STRN: variants seen among roughly 807,000 people sequenced by gnomAD.
The protein encoded by STRN is protein phosphatase 2 regulatory subunit B'''alpha.
STRN carries 53 observed loss-of-function variants against 96.3 expected under a neutral mutation model. The observed-to-expected ratio is 0.55, with a 90% confidence interval of 0.44 to 0.69. STRN has a LOEUF of 0.69. Among genes scored for constraint, STRN ranks in the 30% least tolerant of loss-of-function variants. STRN has a pLI of 0.00. For missense variants in STRN, 987 were observed against 963.9 expected (o/e 1.02, Z -0.32); for synonymous variants, 428 against 355.9 (o/e 1.20, Z -2.28).
chr2:36,872,068 C>T (rs147907312), intron 10 of STRN, among the ~76,000 whole-genome samples: 3 of 152,170 alleles, frequency 2.0e-5, no homozygotes, highest in African/African-American at 4.8e-5. Context: ...TCCTTCTGAA[C>T]GTCTTAATGT....
chr2:36,840,097 A>G lies in STRN; in HGVS notation c.*9359T>C, dbSNP rs1048497248. The G allele has an allele frequency of 2.6e-5, 4 of 152,262 alleles. No individual in the cohort carries two copies. Among genetic ancestry groups the G allele is most frequent in the Admixed American group, 2.6e-4 (4 of 15,282 alleles). 9.4% of individuals were successfully genotyped at this position (152,262 alleles called of 1,614,324 possible). On this transcript the variant is annotated 3_prime_UTR_variant, in exon 18 of 18. Coordinates refer to ENST00000263918, the MANE Select transcript of STRN (RefSeq NM_003162.4). ...TCCCCAGAGGGATGCCTTTCCTGAC[A>G]AGATTCCACTGGGAGGTTCGTCTTT...
chr2:36,942,152 C>A (rs904073732), intron 1 of STRN, among the ~76,000 whole-genome samples: 1 of 152,134 alleles, frequency 6.6e-6, no homozygotes, highest in African/African-American at 2.4e-5. Context: ...AGGAGACTTA[C>A]TCCAAAAATA....
At position 36,861,132 on chromosome 2, in the gene STRN, C is replaced by G; in HGVS notation, c.1669G>C (p.Asp557His). The change falls in exon 13 of 18, where the codon GAT becomes CAT. Residue 557 changes from aspartate to histidine, a missense_variant and splice_region_variant. Asp to His is a moderately conservative substitution (Grantham distance 81). Transcript: ENST00000263918. ...NPNIDPYDSY[D>H]PSVLRGPLLG... ...TTCAGATCTTTGGGAAATCACCTAC[C>G]ATAAGAATCATAGGGGTCGATGTTG... The G allele has an allele frequency of 6.2e-7, 1 of 1,612,556 alleles. No homozygotes were observed. Among genetic ancestry groups the G allele is most frequent in the Non-Finnish European group, 8.5e-7 (1 of 1,179,570 alleles).
intron 2 of STRN, among the ~76,000 whole-genome samples, chr2:36,924,564 C>T (rs1670360579): frequency 6.6e-6 from 1 of 151,896 alleles, no homozygotes; most frequent in African/African-American, 2.4e-5. Flanking sequence ...TCAAAACAGG[C>T]AGAGTAGGAA....
At chr2:36,861,318 T>TA in intron 12 of STRN, 65 bp from the exon 13 acceptor site, 2 of 1,566,944 alleles carry the variant, frequency 1.3e-6, no homozygotes, top group Non-Finnish European at 1.7e-6. Context: ...TATGACTTGT[T>TA]AAAAATAAGA....
chr2:36,894,266 C>A (rs1225471665), intron 6 of STRN, among the ~76,000 whole-genome samples: 1 of 152,152 alleles, frequency 6.6e-6, no homozygotes, highest in Non-Finnish European at 1.5e-5. Flanking sequence ...CTAACGGAAC[C>A]ACATACTGAA....
intron 2 of STRN, among the ~76,000 whole-genome samples, chr2:36,917,982 G>A (rs537405542): frequency 6.8e-4 from 103 of 152,068 alleles, no homozygotes; most frequent in Admixed American, 2.5e-3. Flanking sequence ...TACATAATAC[G>A]TAAGATATCA....
At chr2:36,950,431 G>C (rs1354833491) in intron 1 of STRN, among the ~76,000 whole-genome samples, 1 of 152,100 alleles carries the variant, frequency 6.6e-6, no homozygotes. Context: ...GGCCAGGCTG[G>C]TCTCGAACTC....
chr2:36,917,290 G>C (rs1199516028), intron 2 of STRN, among the ~76,000 whole-genome samples: 1 of 151,542 alleles, frequency 6.6e-6, no homozygotes, highest in East Asian at 1.9e-4. Context: ...GGGAGGCCAA[G>C]GTAGATGGAT....
rs116388490 is a variant in STRN, at chr2:36,924,061, A to C, written c.338+1044T>G. 9.3e-3 allele frequency among the ~76,000 whole-genome samples: 1,409 copies of C among 152,232 alleles called. 17 individuals carry two copies. The highest frequency in any genetic ancestry group is 0.032 in the African/African-American group (1,346 of 41,534). On this transcript the variant is annotated intron_variant, in intron 2 of 17. Coordinates refer to ENST00000263918, the MANE Select transcript of STRN (RefSeq NM_003162.4). Reference sequence around the variant, plus strand: ...AGACAGCAGAGGAACAAAATACACAAAAAAAAGTCTATAGGCTGGGCATGG... The same window carrying C: ...AGACAGCAGAGGAACAAAATACACACAAAAAAGTCTATAGGCTGGGCATGG...
At chr2:36,952,829 C>A (rs1434927644) in intron 1 of STRN, among the ~76,000 whole-genome samples, 1 of 152,234 alleles carries the variant, frequency 6.6e-6, no homozygotes, top group East Asian at 1.9e-4. Flanking sequence ...CAGGCTCCTC[C>A]CTGTTCCCTC....
At chr2:36,956,923 C>A (rs1180120761) in intron 1 of STRN, among the ~76,000 whole-genome samples, 1 of 152,132 alleles carries the variant, frequency 6.6e-6, no homozygotes, top group East Asian at 1.9e-4. Flanking sequence ...CTGAACGCAG[C>A]CAAAAATTCT....
At chr2:36,958,958 T>C (rs1279789298) in intron 1 of STRN, among the ~76,000 whole-genome samples, 1 of 151,848 alleles carries the variant, frequency 6.6e-6, no homozygotes, top group Non-Finnish European at 1.5e-5. Flanking sequence ...CTACCAAAAA[T>C]ACAAAAAATT....
chr2:36,881,637 TAAG>T (rs1170083480), intron 9 of STRN, among the ~76,000 whole-genome samples: 1 of 152,192 alleles, frequency 6.6e-6, no homozygotes, highest in East Asian at 1.9e-4. Flanking sequence ...CTGCAGATAG[TAAG>T]TTAAACAAAC....
chr2:36,950,418 G>A lies in STRN; in HGVS notation c.234+15812C>T, dbSNP rs181432732. Among the ~76,000 whole-genome samples the A allele has an allele frequency of 2.5e-4, 38 of 152,240 alleles. No individual in the cohort carries two copies. In the East Asian group the frequency reaches 7.3e-3, roughly 29 times the overall value. ...TTTAGTAGAGATGAGGTTTCACCAT[G>A]TTGGCCAGGCTGGTCTCGAACTCCT... On this transcript the variant is annotated intron_variant, in intron 1 of 17. Coordinates refer to ENST00000263918, the MANE Select transcript of STRN (RefSeq NM_003162.4).
Position 36,886,736 on chromosome 2 carries a change from T to C in STRN, c.1022A>G (p.Lys341Arg), listed in dbSNP as rs767879151. 40 of 1,612,556 alleles carry C rather than the reference T, an allele frequency of 2.5e-5. No individual in the cohort carries two copies. Among genetic ancestry groups the C allele is most frequent in the Non-Finnish European group, 3.1e-5 (36 of 1,179,228 alleles). The change falls in exon 8 of 18, where the codon AAG becomes AGG. Residue 341 changes from lysine to arginine, a missense_variant. Lys to Arg is a conservative substitution (Grantham distance 26). Coordinates refer to ENST00000263918, the MANE Select transcript of STRN (RefSeq NM_003162.4). ...CTTACTCTTCACCCCCTTTTTCCCC[T>C]TTCTCTCCTTTTTGTATTGTTCCTT... Reference protein sequence around the residue: ...KLKEQYKKERKGKKGVKRPNR... With the variant: ...KLKEQYKKERRGKKGVKRPNR...
At chr2:36,961,111 T>A (rs1440639994) in intron 1 of STRN, among the ~76,000 whole-genome samples, 1 of 142,442 alleles carries the variant, frequency 7.0e-6, no homozygotes, top group Non-Finnish European at 1.5e-5. Flanking sequence ...TTGCCCAGGC[T>A]GCACTTTTTT....
At chr2:36,866,636 G>A (rs1036269869) in intron 12 of STRN, among the ~76,000 whole-genome samples, 1 of 152,168 alleles carries the variant, frequency 6.6e-6, no homozygotes, top group Admixed American at 6.5e-5. Context: ...GGGTGTTAAA[G>A]TCTCCCACTA....
chr2:36,841,734 T>C lies in STRN; in HGVS notation c.*7722A>G, dbSNP rs993668382. On this transcript the variant is annotated 3_prime_UTR_variant, in exon 18 of 18. Transcript: ENST00000263918. ...TATATTTTTACAGCTTCCTAAAATA[T>C]AATGAAAACTATTTCCTCTGACACT... 1.2e-4 allele frequency: 19 copies of C among 152,226 alleles called. No individual in the cohort carries two copies. The highest frequency in any genetic ancestry group is 2.4e-5 in the African/African-American group (1 of 41,452). 9.4% of individuals were successfully genotyped at this position (152,226 alleles called of 1,614,324 possible).
Sources: allele counts gnomAD v4.1 joint callset (sites outside exome capture counted in the v4.1 genomes callset), GRCh38; gene constraint gnomAD v4.1.1; transcripts MANE v1.5; gene names NCBI Gene and HGNC (gene_info 2026-07-23, HGNC 2026-07-21).